Variants in FAM168A observed in about 807,000 individuals in gnomAD.
The protein encoded by FAM168A is family with sequence similarity 168 member A, also known as protein FAM168A.
Under a neutral mutation model 28.5 loss-of-function variants are expected in FAM168A, and 3 were observed. The observed-to-expected ratio is 0.11, with a 90% CI of 0.05 to 0.27. FAM168A has a LOEUF of 0.27. FAM168A is among the 10% of genes least tolerant of loss of function. FAM168A has a pLI of 1.00. For synonymous variants in FAM168A, 122 were observed against 124.2 expected, an observed-to-expected ratio of 0.98 and a Z score of 0.12; for missense variants, 222 against 311.5, an observed-to-expected ratio of 0.71 and a Z score of 2.16.
At chr11:73,512,126 G>C (rs1855238960) in intron 1 of FAM168A, among the ~76,000 whole-genome samples, 1 of 152,138 alleles carries the variant, frequency 6.6e-6, no homozygotes, top group South Asian at 2.1e-4. Flanking sequence ...TCCTATGCTA[G>C]GTACTATATA....
intron 1 of FAM168A, among the ~76,000 whole-genome samples, chr11:73,526,883 A>C (rs1015987406): frequency 1.3e-5 from 2 of 151,478 alleles, no homozygotes; most frequent in South Asian, 2.1e-4. Flanking sequence ...AAAAAAAAAA[A>C]AAAAAAAAAA....
At chr11:73,554,473 A>G (rs773634079) in intron 1 of FAM168A, among the ~76,000 whole-genome samples, 8 of 152,160 alleles carry the variant, frequency 5.3e-5, no homozygotes, top group Middle Eastern at 3.2e-3. Flanking sequence ...TAGAAAAAAA[A>G]CTTCAAAAAA....
intron 1 of FAM168A, among the ~76,000 whole-genome samples, chr11:73,595,134 C>A (rs1467397992): frequency 1.3e-5 from 2 of 152,138 alleles, no homozygotes; most frequent in African/African-American, 4.8e-5. Flanking sequence ...ATATAAACAT[C>A]CCACCTCTAG....
intron 1 of FAM168A, among the ~76,000 whole-genome samples, chr11:73,495,886 T>C (rs573437263): frequency 3.9e-5 from 6 of 152,272 alleles, no homozygotes; most frequent in African/African-American, 1.4e-4. Context: ...AAATTAAAAA[T>C]ATAATAACCA....
intron 1 of FAM168A, among the ~76,000 whole-genome samples, chr11:73,576,167 CTCCAT>C (rs1565305507): frequency 6.6e-6 from 1 of 152,204 alleles, no homozygotes; most frequent in Non-Finnish European, 1.5e-5. Context: ...AGAGTTTCTT[CTCCAT>C]TCAGAAGATC....
At chr11:73,589,499 AAAAAAAAAAAAG>A (rs1944356552) in intron 1 of FAM168A, among the ~76,000 whole-genome samples, 1 of 151,938 alleles carries the variant, frequency 6.6e-6, no homozygotes, top group African/African-American at 2.4e-5. Context: ...TAAGCTGAAA[AAAAAAAAAAAAG>A]AAAAAAAAAG....
chr11:73,418,970 G>A lies in FAM168A; in HGVS notation c.277+904C>T, dbSNP rs189456500. On this transcript the variant is annotated intron_variant, in intron 4 of 7. Coordinates refer to ENST00000356467, the MANE Select transcript of FAM168A (RefSeq NM_015159.3). ...ACTACAGGCGCCCACCACCATGCCC[G>A]GCTAATTTTTTTTGTATTTTTAGTG... Among the ~76,000 whole-genome samples the A allele has an allele frequency of 6.5e-3, 993 of 152,082 alleles. 4 individuals carry two copies. The highest frequency in any genetic ancestry group is 0.01 in the Non-Finnish European group (711 of 68,002).
chr11:73,426,607 C>T (rs1272685669), intron 3 of FAM168A, among the ~76,000 whole-genome samples: 1 of 152,156 alleles, frequency 6.6e-6, no homozygotes, highest in Non-Finnish European at 1.5e-5. Flanking sequence ...GGAAGTCCCC[C>T]AGTCAGGAAA....
intron 1 of FAM168A, among the ~76,000 whole-genome samples, chr11:73,558,807 G>A (rs1484673472): frequency 6.6e-6 from 1 of 152,104 alleles, no homozygotes; most frequent in African/African-American, 2.4e-5. Flanking sequence ...ATAAGTATAA[G>A]CAAGGATGTT....
chr11:73,509,833 T>A (rs1463677038), intron 1 of FAM168A, among the ~76,000 whole-genome samples: 2 of 152,170 alleles, frequency 1.3e-5, no homozygotes, highest in African/African-American at 4.8e-5. Flanking sequence ...TTATGCCATC[T>A]ATGTAAATTC....
chr11:73,516,989 T>C (rs1003016319), intron 1 of FAM168A, among the ~76,000 whole-genome samples: 3 of 152,204 alleles, frequency 2.0e-5, no homozygotes, highest in Middle Eastern at 3.2e-3. Flanking sequence ...TACTAATAAA[T>C]TATTTTTTAA....
At chr11:73,495,551 T>A (rs1416137793) in intron 1 of FAM168A, among the ~76,000 whole-genome samples, 2 of 152,170 alleles carry the variant, frequency 1.3e-5, no homozygotes, top group Non-Finnish European at 2.9e-5. Flanking sequence ...GCGAATCAGA[T>A]GGATAGGGGT....
intron 1 of FAM168A, among the ~76,000 whole-genome samples, chr11:73,500,578 C>T (rs527431741): frequency 3.5e-4 from 54 of 152,178 alleles, no homozygotes; most frequent in Non-Finnish European, 3.7e-4. Flanking sequence ...ATTTCATATC[C>T]AGCCAAACTA....
intron 1 of FAM168A, among the ~76,000 whole-genome samples, chr11:73,541,500 G>A (rs1943657053): frequency 6.6e-6 from 1 of 151,624 alleles, no homozygotes; most frequent in South Asian, 2.1e-4. Context: ...AGCCTCCCGA[G>A]CAGCTGGGAC....
At chr11:73,557,216 T>C (rs1055930311) in intron 1 of FAM168A, among the ~76,000 whole-genome samples, 1 of 152,128 alleles carries the variant, frequency 6.6e-6, no homozygotes, top group African/African-American at 2.4e-5. Flanking sequence ...TTGAAGATAT[T>C]ATGCTAAGTG....
At chr11:73,422,513 G>C (rs2134499527) in intron 3 of FAM168A, among the ~76,000 whole-genome samples, 1 of 152,268 alleles carries the variant, frequency 6.6e-6, no homozygotes, top group East Asian at 1.9e-4. Flanking sequence ...CGATTCTAAA[G>C]TCACCCATTC....
intron 2 of FAM168A, among the ~76,000 whole-genome samples, chr11:73,466,939 T>C (rs564965378): frequency 2.2e-4 from 33 of 151,924 alleles, no homozygotes; most frequent in African/African-American, 8.0e-4. Context: ...CAAATTCCCC[T>C]ACATAAAGTT....
At chr11:73,413,027 A>C (rs1175840813) in intron 4 of FAM168A, among the ~76,000 whole-genome samples, 1 of 152,228 alleles carries the variant, frequency 6.6e-6, no homozygotes, top group African/African-American at 2.4e-5. Context: ...GTGGCTAAGA[A>C]TGAAGATCTC....
intron 1 of FAM168A, among the ~76,000 whole-genome samples, chr11:73,496,909 A>ACACACACACACACACACG: frequency 6.8e-6 from 1 of 147,308 alleles, no homozygotes; most frequent in African/African-American, 2.5e-5. Flanking sequence ...ACACACACGC[A>ACACACACACACACACACG]CACACACGCA....
Sources: gnomAD v4.1 joint callset for allele counts (sites outside exome capture counted in the v4.1 genomes callset) on GRCh38, gnomAD v4.1.1 for gene constraint, MANE v1.5 for transcripts, NCBI Gene and HGNC (gene_info 2026-07-23, HGNC 2026-07-21) for gene names.